IRAK2: variants seen among roughly 807,000 people sequenced by gnomAD.
The protein encoded by IRAK2 is interleukin-1 receptor-associated kinase-like 2.
IRAK2 carries 57 observed loss-of-function variants against 72.0 expected under a neutral mutation model. The ratio of observed to expected loss-of-function variants is 0.79; its 90% confidence interval spans 0.64 to 0.99. The LOEUF is 0.99. IRAK2 is among the 50% of genes least tolerant of loss of function. IRAK2 has a pLI of 0.00. For synonymous variants in IRAK2, 293 were observed against 312.7 expected, an observed-to-expected ratio of 0.94 and a Z score of 0.67; for missense variants, 790 against 794.4, an observed-to-expected ratio of 0.99 and a Z score of 0.07.
At chr3:10,211,502 C>T (rs1370689089) in intron 4 of IRAK2, among the ~76,000 whole-genome samples, 2 of 152,070 alleles carry the variant, frequency 1.3e-5, no homozygotes, top group African/African-American at 2.4e-5. Context: ...CCTGTAGTCC[C>T]AGCTACTTGG....
At chr3:10,173,519 G>A (rs12639421) in intron 1 of IRAK2, among the ~76,000 whole-genome samples, 2,590 of 152,180 alleles carry the variant, frequency 0.017, 78 homozygotes, top group South Asian at 0.1. Context: ...ATCATGTCCC[G>A]ACTCTAAAGG....
At chr3:10,221,124 G>A (rs1331567573) in intron 8 of IRAK2, among the ~76,000 whole-genome samples, 4 of 151,360 alleles carry the variant, frequency 2.6e-5, no homozygotes, top group South Asian at 4.2e-4. Flanking sequence ...CGGGCGCGGT[G>A]GCTCACGCCT....
chr3:10,184,576 T>C (rs952263483), intron 2 of IRAK2, among the ~76,000 whole-genome samples: 2 of 151,476 alleles, frequency 1.3e-5, no homozygotes, highest in African/African-American at 4.9e-5. Flanking sequence ...CCAAATTCCA[T>C]GGTGGAATTT....
chr3:10,195,061 C>T (rs1191723239), intron 2 of IRAK2, among the ~76,000 whole-genome samples: 1 of 152,182 alleles, frequency 6.6e-6, no homozygotes, highest in Admixed American at 6.5e-5. Flanking sequence ...GGTGGGGCCA[C>T]CGCATGTCAC....
intron 1 of IRAK2, among the ~76,000 whole-genome samples, chr3:10,170,281 A>C (rs910857154): frequency 9.2e-5 from 14 of 152,126 alleles, no homozygotes; most frequent in African/African-American, 3.4e-4. Flanking sequence ...CCTTACAGGG[A>C]CCCTGGTAAT....
intron 1 of IRAK2, among the ~76,000 whole-genome samples, chr3:10,168,648 G>T (rs557052990): frequency 6.6e-6 from 1 of 152,282 alleles, no homozygotes; most frequent in African/African-American, 2.4e-5. Flanking sequence ...CATCTTCTTT[G>T]GAGAATACCT....
intron 1 of IRAK2, among the ~76,000 whole-genome samples, chr3:10,173,609 C>T (rs746294324): frequency 3.3e-5 from 5 of 152,070 alleles, no homozygotes; most frequent in Non-Finnish European, 7.4e-5. Context: ...ATCACTTGAG[C>T]TCAGGAGTTT....
chr3:10,183,264 G>C (rs1488000936), intron 2 of IRAK2, among the ~76,000 whole-genome samples: 1 of 152,168 alleles, frequency 6.6e-6, no homozygotes, highest in Non-Finnish European at 1.5e-5. Flanking sequence ...GGGCCCACTG[G>C]GGGCCATATC....
rs561460688 is a variant in IRAK2, at chr3:10,165,056, C to A, written c.94+8C>A. On this transcript the variant is annotated splice_region_variant and intron_variant, in intron 1 of 12. Coordinates refer to ENST00000256458, the MANE Select transcript of IRAK2 (RefSeq NM_001570.4). ...GGGACTGGATGGAGTTCGGTGAGTG[C>A]GGCCCGGGGAGGGGAGGGGACCAGG... 9.0e-5 allele frequency: 145 copies of A among 1,605,562 alleles called. 1 individual carries two copies. In the South Asian group the frequency reaches 1.5e-3, roughly 17 times the overall value.
intron 8 of IRAK2, among the ~76,000 whole-genome samples, chr3:10,220,387 C>G (rs1434798902): frequency 6.6e-6 from 1 of 152,154 alleles, no homozygotes; most frequent in East Asian, 1.9e-4. Context: ...CGTATTTCCC[C>G]AAAGTTCTCT....
In IRAK2 at chr3:10,238,753, T is replaced by G. The variant is rs1220174944; in HGVS notation, c.1479T>G (p.Cys493Trp). The change falls in exon 12 of 13, where the codon TGT becomes TGG. Residue 493 changes from cysteine to tryptophan, a missense_variant. By Grantham distance (215) the Cys-to-Trp change is radical. Coordinates refer to ENST00000256458, the MANE Select transcript of IRAK2 (RefSeq NM_001570.4). ...RRRNTSLQEV[C>W]GSVAAVEERL... ...TTCTCTCTCTTCTCCCAAAGGTGTGTGGCTCTGTGGCTGCTGTGGAAGAGC... is the reference window on the plus strand; with the variant it reads ...TTCTCTCTCTTCTCCCAAAGGTGTGGGGCTCTGTGGCTGCTGTGGAAGAGC... 2 of 1,613,940 alleles carry G rather than the reference T, an allele frequency of 1.2e-6. No homozygotes were observed. Among genetic ancestry groups the G allele is most frequent in the Non-Finnish European group, 1.7e-6 (2 of 1,179,850 alleles).
intron 1 of IRAK2, among the ~76,000 whole-genome samples, chr3:10,172,435 G>A (rs1475223326): frequency 6.6e-6 from 1 of 151,708 alleles, no homozygotes. Context: ...CTATTCGGGA[G>A]GCTGAGGCAG....
chr3:10,219,145 C>T (rs1419108385), intron 7 of IRAK2, among the ~76,000 whole-genome samples: 1 of 152,054 alleles, frequency 6.6e-6, no homozygotes, highest in Admixed American at 6.6e-5. Context: ...CTACAGTGAG[C>T]TATGATGCTG....
At chr3:10,234,401 C>T (rs1427229308) in intron 10 of IRAK2, 58 bp from the exon 11 acceptor site, 4 of 1,465,126 alleles carry the variant, frequency 2.7e-6, no homozygotes, top group East Asian at 2.3e-5. Context: ...GGGGCGCGTG[C>T]GTTGGCTCTC....
At chr3:10,225,880 T>G (rs1303288931) in intron 9 of IRAK2, among the ~76,000 whole-genome samples, 2 of 151,992 alleles carry the variant, frequency 1.3e-5, no homozygotes, top group Non-Finnish European at 2.9e-5. Flanking sequence ...TTTGTATCTT[T>G]AGTAGAGACG....
chr3:10,200,289 C>G, intron 2 of IRAK2, 80 bp from the exon 3 acceptor site: 1 of 1,267,810 alleles, frequency 7.9e-7, no homozygotes, highest in Non-Finnish European at 1.1e-6. Flanking sequence ...GAACCCAGGT[C>G]TCTGACTTCC....
At chr3:10,234,031 T>C (rs924673476) in intron 10 of IRAK2, among the ~76,000 whole-genome samples, 3 of 152,118 alleles carry the variant, frequency 2.0e-5, no homozygotes, top group Non-Finnish European at 4.4e-5. Flanking sequence ...CCCAGCTAAT[T>C]TTTATATTTC....
chr3:10,222,478 C>T lies in IRAK2; in HGVS notation c.1014-158C>T, dbSNP rs557861371. ...GTGTGCTCCTGATGCCCTCTCTTCCCCAGTCAGGGCTGGCTCAGAAGCTCC... is the reference window on the plus strand; with the variant it reads ...GTGTGCTCCTGATGCCCTCTCTTCCTCAGTCAGGGCTGGCTCAGAAGCTCC... On this transcript the variant is annotated intron_variant, in intron 8 of 12. Transcript: ENST00000256458. 2.6e-5 allele frequency among the ~76,000 whole-genome samples: 4 copies of T among 152,248 alleles called. No homozygotes were observed. The East Asian group carries it at 5.8e-4, about 22-fold the overall frequency.
At chr3:10,173,624 C>T (rs1160303901) in intron 1 of IRAK2, among the ~76,000 whole-genome samples, 1 of 152,064 alleles carries the variant, frequency 6.6e-6, no homozygotes, top group Admixed American at 6.6e-5. Context: ...GAGTTTGATA[C>T]CAGCCTGGCC....
Sources: gnomAD v4.1 joint callset for allele counts (sites outside exome capture counted in the v4.1 genomes callset) on GRCh38, gnomAD v4.1.1 for gene constraint, MANE v1.5 for transcripts, NCBI Gene and HGNC (gene_info 2026-07-23, HGNC 2026-07-21) for gene names.